Variants in BANK1 observed in about 807,000 individuals in gnomAD.
BANK1 encodes B cell scaffold protein with ankyrin repeats 1.
BANK1 carries 95 observed loss-of-function variants against 94.5 expected under a neutral mutation model. That is an observed-to-expected ratio of 1.00 (90% CI 0.85 to 1.19). The LOEUF is 1.19. Among genes scored for constraint, BANK1 ranks in the 50% most tolerant of loss-of-function variants. BANK1 has a pLI of 0.00. For synonymous variants in BANK1, 334 were observed against 308.4 expected (o/e 1.08, Z -0.87); for missense variants, 987 against 932.2 (o/e 1.06, Z -0.77).
intron 4 of BANK1, among the ~76,000 whole-genome samples, chr4:101,867,276 A>G (rs1728109937): frequency 6.6e-6 from 1 of 151,982 alleles, no homozygotes; most frequent in Non-Finnish European, 1.5e-5. Context: ...TGTGAAAAAA[A>G]GGAACCCACC....
At chr4:101,809,524 A>G (rs1396110886) in intron 1 of BANK1, among the ~76,000 whole-genome samples, 2 of 152,156 alleles carry the variant, frequency 1.3e-5, no homozygotes, top group Non-Finnish European at 2.9e-5. Flanking sequence ...GGATACTGTT[A>G]CAAATACATA....
intron 10 of BANK1, among the ~76,000 whole-genome samples, chr4:102,034,547 T>C (rs911342955): frequency 6.6e-6 from 1 of 152,212 alleles, no homozygotes; most frequent in Non-Finnish European, 1.5e-5. Context: ...CAGTTTAGTG[T>C]CTGTTTCTTG....
At chr4:101,991,446 G>A (rs1286353879) in intron 7 of BANK1, among the ~76,000 whole-genome samples, 3 of 152,110 alleles carry the variant, frequency 2.0e-5, no homozygotes, top group Non-Finnish European at 4.4e-5. Flanking sequence ...TTTTTGTTTT[G>A]TTTGTTTTTT....
chr4:102,056,553 G>C (rs927336622), intron 11 of BANK1, among the ~76,000 whole-genome samples: 1 of 151,832 alleles, frequency 6.6e-6, no homozygotes, highest in African/African-American at 2.4e-5. Context: ...CAGAAAAAAG[G>C]AAAGAAATGG....
chr4:102,054,187 A>G (rs924108361), intron 11 of BANK1, among the ~76,000 whole-genome samples: 4 of 152,118 alleles, frequency 2.6e-5, no homozygotes, highest in African/African-American at 9.7e-5. Flanking sequence ...GATTATTTGT[A>G]ACCAAGGACA....
At chr4:101,930,288 AAT>A (rs1007165983) in intron 7 of BANK1, among the ~76,000 whole-genome samples, 1 of 150,780 alleles carries the variant, frequency 6.6e-6, no homozygotes, top group East Asian at 2.0e-4. Flanking sequence ...TGTATATATG[AAT>A]ATATATATAT....
chr4:102,005,516 G>C (rs1726231980), intron 7 of BANK1, among the ~76,000 whole-genome samples: 3 of 152,050 alleles, frequency 2.0e-5, no homozygotes. Context: ...GGTTCTAGTG[G>C]ACACAGTGTG....
intron 1 of BANK1, chr4:101,813,867 G>C (rs1312276629): frequency 1.0e-6 from 1 of 985,390 alleles, no homozygotes; most frequent in Non-Finnish European, 1.2e-6. Context: ...ATCAGGAAGA[G>C]GGTGGGGGAC....
At chr4:101,936,770 C>T (rs1416151108) in intron 7 of BANK1, among the ~76,000 whole-genome samples, 2 of 151,352 alleles carry the variant, frequency 1.3e-5, no homozygotes, top group African/African-American at 4.8e-5. Flanking sequence ...TTATCTCACC[C>T]CAGTTAAAAT....
At chr4:102,044,274 A>G (rs188003590) in intron 11 of BANK1, among the ~76,000 whole-genome samples, 2,932 of 152,138 alleles carry the variant, frequency 0.019, 65 homozygotes, top group Middle Eastern at 0.065. Context: ...GAGTGAGAAC[A>G]TGCGGTGTTT....
At chr4:101,863,678 A>C (rs565129981) in intron 4 of BANK1, among the ~76,000 whole-genome samples, 2 of 152,246 alleles carry the variant, frequency 1.3e-5, no homozygotes, top group Non-Finnish European at 2.9e-5. Flanking sequence ...CATTTCAGAC[A>C]CTGCTTTCTG....
chr4:102,018,752 C>T (rs1478036541), intron 7 of BANK1, among the ~76,000 whole-genome samples: 1 of 151,822 alleles, frequency 6.6e-6, no homozygotes, highest in Non-Finnish European at 1.5e-5. Flanking sequence ...TTAATCCAAT[C>T]TCCAAACCCA....
chr4:101,950,417 A>G (rs1330652783), intron 7 of BANK1, among the ~76,000 whole-genome samples: 16 of 152,186 alleles, frequency 1.1e-4, no homozygotes, highest in Admixed American at 1.0e-3. Context: ...AAAGAGAACT[A>G]AGATCTAAAT....
intron 7 of BANK1, among the ~76,000 whole-genome samples, chr4:102,005,941 G>A (rs143092490): frequency 5.2e-4 from 79 of 152,020 alleles, no homozygotes; most frequent in Non-Finnish European, 4.7e-4. Flanking sequence ...ACAATATTGC[G>A]TATAAAGAAA....
chr4:101,840,939 A>C (rs1357273843), intron 2 of BANK1, among the ~76,000 whole-genome samples: 1 of 151,888 alleles, frequency 6.6e-6, no homozygotes, highest in African/African-American at 2.4e-5. Context: ...AACCAATTAT[A>C]CCTCAGCCTC....
chr4:102,006,022 G>C (rs991522823), intron 7 of BANK1, among the ~76,000 whole-genome samples: 13 of 151,962 alleles, frequency 8.6e-5, no homozygotes, highest in Non-Finnish European at 1.5e-5. Flanking sequence ...TGGGGCACAA[G>C]AACTACAATG....
chr4:101,860,805 T>C (rs1188451377), intron 3 of BANK1, among the ~76,000 whole-genome samples: 2 of 151,654 alleles, frequency 1.3e-5, no homozygotes, highest in African/African-American at 2.4e-5. Flanking sequence ...ACTGGGAGAG[T>C]GCATGTGTAC....
intron 11 of BANK1, among the ~76,000 whole-genome samples, chr4:102,053,828 A>G (rs893360951): frequency 2.0e-5 from 3 of 151,848 alleles, no homozygotes; most frequent in Non-Finnish European, 4.4e-5. Context: ...TGACCAAATA[A>G]TATAAAAATA....
intron 10 of BANK1, 34 bp downstream of exon 10, chr4:102,030,299 T>A (rs779460080): frequency 3.7e-5 from 57 of 1,524,512 alleles, no homozygotes; most frequent in Middle Eastern, 1.8e-4. Flanking sequence ...ACTTGTTAAT[T>A]TTTTTTGTCC....
Sources: gnomAD v4.1 joint callset for allele counts (sites outside exome capture counted in the v4.1 genomes callset) on GRCh38, gnomAD v4.1.1 for gene constraint, MANE v1.5 for transcripts, NCBI Gene and HGNC (gene_info 2026-07-23, HGNC 2026-07-21) for gene names.